PCDHGB3: variants seen among roughly 807,000 people sequenced by gnomAD.
PCDHGB3 encodes the protein protocadherin gamma subfamily B, 3.
PCDHGB3 carries 40 observed loss-of-function variants against 59.2 expected under a neutral mutation model. That is an observed-to-expected ratio of 0.68 (90% confidence interval 0.52 to 0.88). PCDHGB3 has a LOEUF of 0.88. Among genes scored for constraint, PCDHGB3 ranks in the 40% least tolerant of loss-of-function variants. PCDHGB3 has a pLI of 0.00. For missense variants in PCDHGB3, 1,309 were observed against 1,187.9 expected, an observed-to-expected ratio of 1.10 and a Z score of -1.50; for synonymous variants, 581 against 503.6, an observed-to-expected ratio of 1.15 and a Z score of -2.06.
At position 141,510,965 on chromosome 5, in the gene PCDHGB3, C is replaced by T. The variant is rs1473736492; in HGVS notation, c.2582C>T (p.Ser861Phe). The T allele has an allele frequency of 3.1e-6, 5 of 1,614,026 alleles. No homozygotes were observed. The highest frequency in any genetic ancestry group is 4.2e-6 in the Non-Finnish European group (5 of 1,180,020). The change falls in exon 4 of 4, where the codon TCC becomes TTC. Residue 861 changes from serine (S) to phenylalanine (F), a missense_variant. Transcript: ENST00000576222. ...TCTGCAGAAGCTGCTGATGGGAGCT[C>T]CACCCTGGGAGGGGGTGCCGGCACC... ...ASASEAADGS[S>F]TLGGGAGTMG...
At position 141,486,878 on chromosome 5, in the gene PCDHGB3, C is replaced by T. The variant is rs772994346; in HGVS notation, c.2416-7929C>T. ...CAATGCTCCAGCTGTGCTCCGTCCT[C>T]GGGCCCGGCCTGGTTCCTTATGTCC... On this transcript the variant is annotated intron_variant, in intron 1 of 3. Transcript: ENST00000576222. The surrounding 1 kb of genome is among the most constrained non-coding windows in gnomAD (Gnocchi z 5.0). 3.0e-5 allele frequency: 49 copies of T among 1,614,114 alleles called. No homozygotes were observed. The highest frequency in any genetic ancestry group is 4.4e-5 in the South Asian group (4 of 91,088).
At chr5:141,387,213 G>C (rs1279285840) in intron 1 of PCDHGB3, among the ~76,000 whole-genome samples, 4 of 152,128 alleles carry the variant, frequency 2.6e-5, no homozygotes, top group Admixed American at 1.3e-4. Flanking sequence ...ATACTCTCCG[G>C]AAAAAGTTGA....
At chr5:141,433,128 C>T (rs773994964) in intron 1 of PCDHGB3, 3 of 1,614,158 alleles carry the variant, frequency 1.9e-6, no homozygotes, top group Non-Finnish European at 1.7e-6. Flanking sequence ...AAAAGCGAGC[C>T]CCTTTTGCTG....
At chr5:141,387,385 T>C (rs998102373) in intron 1 of PCDHGB3, among the ~76,000 whole-genome samples, 4 of 152,206 alleles carry the variant, frequency 2.6e-5, no homozygotes, top group African/African-American at 9.6e-5. Flanking sequence ...TTTATATAGA[T>C]AGTGCATGTT....
At chr5:141,420,965 TA>T (rs1468739825) in intron 1 of PCDHGB3, 6 of 433,892 alleles carry the variant, frequency 1.4e-5, no homozygotes, top group African/African-American at 1.0e-4. Flanking sequence ...GTCGTTGCAA[TA>T]ATAAGAATGG....
At position 141,371,814 on chromosome 5, in the gene PCDHGB3, G is replaced by C. The variant is rs1020682392; in HGVS notation, c.1420G>C (p.Val474Leu). The change falls in exon 1 of 4, where the codon GTC becomes CTC. Residue 474 changes from valine to leucine, a missense_variant. Physicochemically the swap from Val to Leu is conservative, Grantham distance 32. Coordinates refer to ENST00000576222, the MANE Select transcript of PCDHGB3 (RefSeq NM_018924.5). The part of the protein sequence containing the change: ...NNPPGASIAH[V>L]RASDPDLGPN... ...TCCGCCTGGAGCCTCCATTGCGCAT[G>C]TCAGAGCCTCGGATCCCGACTTGGG... 4 of 1,613,892 alleles carry C rather than the reference G, an allele frequency of 2.5e-6. No individual in the cohort carries two copies. The highest frequency in any genetic ancestry group is 1.6e-4 in the Middle Eastern group (1 of 6,062).
At chr5:141,406,255 A>G (rs1456869005) in intron 1 of PCDHGB3, among the ~76,000 whole-genome samples, 1 of 151,948 alleles carries the variant, frequency 6.6e-6, no homozygotes, top group Admixed American at 6.5e-5. Context: ...ACTGGTCTCA[A>G]ACGATCTTCC....
At chr5:141,378,925 T>C (rs1202116224) in intron 1 of PCDHGB3, 1 of 152,246 alleles carries the variant, frequency 6.6e-6, no homozygotes, top group African/African-American at 2.4e-5. Context: ...CAAAAGTAAG[T>C]TGATGGCCCT....
Position 141,432,480 on chromosome 5 carries a change from G to T in PCDHGB3, c.2415+59671G>T, listed in dbSNP as rs775075732. On this transcript the variant is annotated intron_variant, in intron 1 of 3. Transcript: ENST00000576222. This position sits in a 1 kb window ranked among gnomAD's most constrained non-coding sequence, Gnocchi z 6.0. ...GCCCTCCCCACGGACGGTTCCACTG[G>T]CGTGGAGCTGGCTCCCCGCTCCGCA... The T allele has an allele frequency of 1.9e-6, 3 of 1,614,180 alleles. No individual in the cohort carries two copies. The highest frequency in any genetic ancestry group is 2.2e-5 in the South Asian group (2 of 91,078).
intron 1 of PCDHGB3, chr5:141,415,489 C>G: frequency 6.2e-7 from 1 of 1,614,220 alleles, no homozygotes; most frequent in Non-Finnish European, 8.5e-7. Flanking sequence ...AAAGAGTCAC[C>G]TGATCTTCCC....
Position 141,408,151 on chromosome 5 carries a change from T to G in PCDHGB3, c.2415+35342T>G, listed in dbSNP as rs2154539780. ...CGAATGCTCTTTTAGCGCGGTAGAG[T>G]GCACTTTCTCCAACTGGAAAAGCGG... On this transcript the variant is annotated intron_variant, in intron 1 of 3. Transcript: ENST00000576222. 3.3e-6 allele frequency: 5 copies of G among 1,506,938 alleles called. No individual in the cohort carries two copies. In the East Asian group the frequency reaches 1.2e-4, roughly 37 times the overall value. 93.3% of individuals were successfully genotyped at this position (1,506,938 alleles called of 1,614,324 possible). A position where few individuals can be genotyped will look rare whatever the true frequency, so the allele number is the denominator to read the frequency against.
intron 1 of PCDHGB3, chr5:141,404,040 G>C (rs1373988780): frequency 6.2e-7 from 1 of 1,613,692 alleles, no homozygotes; most frequent in Non-Finnish European, 8.5e-7. Flanking sequence ...GCACCTCAGG[G>C]AACAGTAATT....
chr5:141,465,800 C>T (rs1486100601), intron 1 of PCDHGB3, among the ~76,000 whole-genome samples: 1 of 151,524 alleles, frequency 6.6e-6, no homozygotes, highest in African/African-American at 2.4e-5. Flanking sequence ...TTTAAGAAAC[C>T]CTTCAGGATC....
chr5:141,370,264 C>A lies in PCDHGB3; in HGVS notation c.-131C>A. 2.7e-6 allele frequency: 2 copies of A among 752,616 alleles called. No individual in the cohort carries two copies. The highest frequency in any genetic ancestry group is 4.2e-6 in the Non-Finnish European group (2 of 481,218). 46.6% of individuals were successfully genotyped at this position (752,616 alleles called of 1,614,324 possible). On this transcript the variant is annotated 5_prime_UTR_variant, in exon 1 of 4. Transcript: ENST00000576222. ...AGTGCACTCTCTATCAGGCTTCCTG[C>A]AGCGGAGACACCCATTAGAGAACCC...
chr5:141,467,376 A>G (rs1391386659), intron 1 of PCDHGB3, among the ~76,000 whole-genome samples: 2 of 151,990 alleles, frequency 1.3e-5, no homozygotes. Flanking sequence ...CTTATATTGC[A>G]TTTAGGTTTT....
In PCDHGB3 at chr5:141,370,422, C is replaced by A. The variant is rs780716652; in HGVS notation, c.28C>A (p.Pro10Thr). 1.9e-6 allele frequency: 3 copies of A among 1,581,408 alleles called. No homozygotes were observed. The South Asian group carries it at 3.5e-5, about 18-fold the overall frequency. ...GGGAAATAGCTCCGGATGGAGGGGC[C>A]CAGCAGGGCAGAGGCGAATGCTATT... MGNSSGWRGPAGQRRMLFLF... is the reference protein window; with the variant it reads MGNSSGWRGTAGQRRMLFLF... Residue 10 changes from proline to threonine, a missense_variant, in exon 1 of 4, where the codon CCA (proline) becomes ACA (threonine). Pro to Thr is a conservative substitution (Grantham distance 38, BLOSUM62 -1). Transcript: ENST00000576222.
chr5:141,433,262 T>A, intron 1 of PCDHGB3: 1 of 1,339,436 alleles, frequency 7.5e-7, no homozygotes, highest in Non-Finnish European at 1.0e-6. Flanking sequence ...GGTACGATCA[T>A]AGCTCACTGC....
At chr5:141,415,055 C>G in intron 1 of PCDHGB3, 2 of 1,613,402 alleles carry the variant, frequency 1.2e-6, no homozygotes, top group East Asian at 2.2e-5. Flanking sequence ...GGGGAGCACA[C>G]GGGCGAGGTG....
rs922804811 is a variant in PCDHGB3 at position 141,432,794 on chromosome 5, G to A, written c.2415+59985G>A. On this transcript the variant is annotated intron_variant, in intron 1 of 3. Coordinates refer to ENST00000576222, the MANE Select transcript of PCDHGB3 (RefSeq NM_018924.5). This position sits in a 1 kb window ranked among gnomAD's most constrained non-coding sequence, Gnocchi z 6.0. ...AGTCCTGGCGGACCTCGGCAGCCTC[G>A]AGTCTCCAGCTAACTCTGAAACCTC... The A allele has an allele frequency of 3.7e-6, 6 of 1,614,138 alleles. No homozygotes were observed. Among genetic ancestry groups the A allele is most frequent in the Non-Finnish European group, 5.1e-6 (6 of 1,180,000 alleles).
Sources: allele counts gnomAD v4.1 joint callset (sites outside exome capture counted in the v4.1 genomes callset), GRCh38; gene constraint gnomAD v4.1.1; non-coding constraint Gnocchi (gnomAD v3.1); transcripts MANE v1.5; gene names NCBI Gene and HGNC (gene_info 2026-07-23, HGNC 2026-07-21).